The following SV2C variants were observed in gnomAD, a reference collection of about 807,000 sequenced individuals.
The protein encoded by SV2C is synaptic vesicle glycoprotein 2C, also known as solute carrier family 22 member B3.
SV2C carries 49 observed loss-of-function variants against 79.7 expected under a neutral mutation model. That is an observed-to-expected ratio of 0.61 (90% CI 0.49 to 0.78). SV2C has a LOEUF of 0.78. SV2C is among the 30% of genes least tolerant of loss of function. The pLI is 0.00. For synonymous variants in SV2C, 334 were observed against 333.2 expected (o/e 1.00, Z -0.03); for missense variants, 833 against 912.9 (o/e 0.91, Z 1.13).
At chr5:76,146,928 G>A (rs1343199511) in intron 2 of SV2C, among the ~76,000 whole-genome samples, 2 of 151,256 alleles carry the variant, frequency 1.3e-5, no homozygotes, top group African/African-American at 2.4e-5. Context: ...TGAAAAACAT[G>A]ATATTATGCC....
chr5:76,299,455 C>T (rs1333963315), intron 10 of SV2C, among the ~76,000 whole-genome samples: 1 of 152,206 alleles, frequency 6.6e-6, no homozygotes, highest in Non-Finnish European at 1.5e-5. Flanking sequence ...TTAGTTTTCA[C>T]AGTAGCTGAG....
chr5:76,236,622 T>C (rs1745624065), intron 4 of SV2C, among the ~76,000 whole-genome samples: 2 of 152,086 alleles, frequency 1.3e-5, no homozygotes, highest in African/African-American at 4.8e-5. Flanking sequence ...GATGCCAGGT[T>C]CTTTTTAACA....
chr5:76,084,272 T>A (rs1041108121), intron 1 of SV2C: 1 of 152,218 alleles, frequency 6.6e-6, no homozygotes, highest in Non-Finnish European at 1.5e-5. Context: ...GCTGTGAAGC[T>A]CAGAGGGGAG....
At chr5:76,198,600 A>T (rs1282856739) in intron 3 of SV2C, among the ~76,000 whole-genome samples, 2 of 152,198 alleles carry the variant, frequency 1.3e-5, no homozygotes, top group Non-Finnish European at 2.9e-5. Flanking sequence ...CTGTCTAGGT[A>T]TCCCTTAATC....
the SV2C span, among the ~76,000 whole-genome samples, chr5:76,056,196 C>T: frequency 2.0e-5 from 3 of 152,152 alleles, no homozygotes; most frequent in African/African-American, 7.2e-5. Context: ...GAGTTTTTAA[C>T]ATGAAGGGCT....
chr5:76,252,230 C>T (rs1324098518), intron 4 of SV2C, among the ~76,000 whole-genome samples: 4 of 152,190 alleles, frequency 2.6e-5, no homozygotes, highest in African/African-American at 9.7e-5. Context: ...AGTGATTCTT[C>T]TGCCTCAGCC....
the SV2C span, among the ~76,000 whole-genome samples, chr5:76,052,671 G>C: frequency 6.6e-6 from 1 of 152,176 alleles, no homozygotes; most frequent in Non-Finnish European, 1.5e-5. Context: ...TGGCTTCTCA[G>C]ACTCTCTAAG....
the SV2C span, among the ~76,000 whole-genome samples, chr5:75,889,473 G>T: frequency 6.6e-6 from 1 of 152,058 alleles, no homozygotes; most frequent in Non-Finnish European, 1.5e-5. Context: ...GTGTATATGT[G>T]ACACATTTTC....
chr5:75,899,550 G>T, the SV2C span, among the ~76,000 whole-genome samples: 2 of 152,070 alleles, frequency 1.3e-5, no homozygotes, highest in African/African-American at 4.8e-5. Flanking sequence ...CTGTTGATTT[G>T]GGGTGGAGAG....
intron 4 of SV2C, among the ~76,000 whole-genome samples, chr5:76,245,761 C>T (rs536099772): frequency 6.6e-6 from 1 of 152,154 alleles, no homozygotes; most frequent in Admixed American, 6.5e-5. Flanking sequence ...GATTTATGGG[C>T]ATCTGATCTA....
Position 76,131,690 on chromosome 5 carries a change from A to T in SV2C, c.-61A>T. The T allele has an allele frequency of 2.1e-6, 3 of 1,439,352 alleles. No homozygotes were observed. The highest frequency in any genetic ancestry group is 2.3e-5 in the East Asian group (1 of 43,580). The allele number at this position is 1,439,352 out of a possible 1,614,324, so 89.2% of individuals were successfully genotyped here. ...AAAGTGGATGATGCTGTCAGAGCTG[A>T]ACCACTGAAAGGAGGCTGTGAAAAT... On this transcript the variant is annotated 5_prime_UTR_variant, in exon 2 of 13. Transcript: ENST00000502798.
chr5:75,921,524 T>G, the SV2C span: 1 of 816,926 alleles, frequency 1.2e-6, no homozygotes, highest in African/African-American at 1.7e-5. Context: ...TGTGACAATC[T>G]CTGGGGAGAT....
At chr5:76,229,933 A>G (rs974489933) in intron 4 of SV2C, among the ~76,000 whole-genome samples, 2 of 152,222 alleles carry the variant, frequency 1.3e-5, no homozygotes, top group Non-Finnish European at 2.9e-5. Flanking sequence ...ACACCAATCA[A>G]GCATACCCCC....
At chr5:76,012,512 G>A in the SV2C span, among the ~76,000 whole-genome samples, 1 of 152,076 alleles carries the variant, frequency 6.6e-6, no homozygotes, top group Non-Finnish European at 1.5e-5. Context: ...TTAACCCTTT[G>A]TCAGATGGAT....
At chr5:75,921,924 A>G in the SV2C span, among the ~76,000 whole-genome samples, 2 of 152,068 alleles carry the variant, frequency 1.3e-5, no homozygotes, top group Admixed American at 6.5e-5. Flanking sequence ...AGTTTACTGT[A>G]TGTTAGAAAT....
intron 12 of SV2C, among the ~76,000 whole-genome samples, chr5:76,310,870 G>C (rs904363732): frequency 1.3e-5 from 2 of 152,188 alleles, no homozygotes; most frequent in Non-Finnish European, 2.9e-5. Flanking sequence ...CAGGCCAGGA[G>C]ACAAGAGTTC....
intron 12 of SV2C, among the ~76,000 whole-genome samples, chr5:76,322,363 A>T (rs1748858316): frequency 6.6e-6 from 1 of 152,232 alleles, no homozygotes; most frequent in Non-Finnish European, 1.5e-5. Flanking sequence ...AGAACTACAA[A>T]CCACTGCCCA....
At chr5:76,242,547 A>G (rs1375887112) in intron 4 of SV2C, 1 of 404,546 alleles carries the variant, frequency 2.5e-6, no homozygotes, top group Non-Finnish European at 4.7e-6. Flanking sequence ...TAGGAACCAC[A>G]CTTTAAAAAA....
chr5:75,941,472 T>G, the SV2C span, among the ~76,000 whole-genome samples: 1 of 152,180 alleles, frequency 6.6e-6, no homozygotes, highest in Admixed American at 6.5e-5. Flanking sequence ...TTGAAGGATG[T>G]ACAAAAAAAT....
Sources: allele counts gnomAD v4.1 joint callset (sites outside exome capture counted in the v4.1 genomes callset), GRCh38; gene constraint gnomAD v4.1.1; transcripts MANE v1.5; gene names NCBI Gene and HGNC (gene_info 2026-07-23, HGNC 2026-07-21).